Variants in COA7 observed in about 807,000 individuals in gnomAD.
The protein encoded by COA7 is cytochrome c oxidase assembly factor 7, also known as Sel1 repeat containing 1.
In COA7, 12 loss-of-function variants were observed where a neutral mutation model predicts 21.0. The observed-to-expected ratio is 0.57, with a 90% CI of 0.37 to 0.92. The LOEUF is 0.92. Ranked by LOEUF, COA7 falls within the 40% of genes least tolerant of loss-of-function variation. The pLI, the probability that COA7 is intolerant of heterozygous loss-of-function variation, is 0.01. For synonymous variants in COA7, 95 were observed against 107.4 expected (o/e 0.88, Z 0.72); for missense variants, 240 against 286.1 (o/e 0.84, Z 1.16).
chr1:52,688,285 C>T (rs1644021526), intron 2 of COA7, 117 bp from the exon 3 acceptor site: 1 of 815,056 alleles, frequency 1.2e-6, no homozygotes, highest in African/African-American at 1.7e-5. Flanking sequence ...GCTTTGTTAA[C>T]CAGGCTGGAG....
rs1643996875 is a variant in COA7 at position 52,685,653 on chromosome 1, C to T, written c.*2067G>A. On this transcript the variant is annotated 3_prime_UTR_variant, in exon 3 of 3. Coordinates refer to ENST00000371538, the MANE Select transcript of COA7 (RefSeq NM_023077.3). ...TGGTCTTGGCTCACTGCAACCTCCACCTCCTGGGTTCAAGCGATTCTCCTG... is the reference window on the plus strand; with the variant it reads ...TGGTCTTGGCTCACTGCAACCTCCATCTCCTGGGTTCAAGCGATTCTCCTG... 6.6e-6 allele frequency: 1 copy of T among 152,156 alleles called. No homozygotes were observed. The highest frequency in any genetic ancestry group is 1.5e-5 in the Non-Finnish European group (1 of 68,084). 9.4% of individuals were successfully genotyped at this position (152,156 alleles called of 1,614,324 possible). A position where few individuals can be genotyped will look rare whatever the true frequency, so the allele number is the denominator to read the frequency against.
chr1:52,687,681 C>A lies in COA7; in HGVS notation c.*39G>T. 1 of 1,588,252 alleles carries A rather than the reference C, an allele frequency of 6.3e-7. No individual in the cohort carries two copies. The highest frequency in any genetic ancestry group is 1.1e-5 in the South Asian group (1 of 88,142). Reference sequence around the variant, plus strand: ...GTCTTCAGAAACAGGAGCTGCCAGCCTCAAGCAGTTTGTTGCCTGGGAGGG... The same window carrying A: ...GTCTTCAGAAACAGGAGCTGCCAGCATCAAGCAGTTTGTTGCCTGGGAGGG... On this transcript the variant is annotated 3_prime_UTR_variant, in exon 3 of 3. Coordinates refer to ENST00000371538, the MANE Select transcript of COA7 (RefSeq NM_023077.3).
chr1:52,693,373 T>C (rs1006531748), intron 1 of COA7, among the ~76,000 whole-genome samples: 1 of 150,750 alleles, frequency 6.6e-6, no homozygotes, highest in African/African-American at 2.4e-5. Context: ...AGGTCTGGAG[T>C]TCGAGACCAG....
chr1:52,693,095 G>A (rs551112910), intron 1 of COA7, among the ~76,000 whole-genome samples: 1 of 152,246 alleles, frequency 6.6e-6, no homozygotes, highest in African/African-American at 2.4e-5. Context: ...GCAATGCATG[G>A]CTTGGGGAGA....
At chr1:52,691,268 G>C (rs1366236349) in intron 2 of COA7, among the ~76,000 whole-genome samples, 2 of 151,938 alleles carry the variant, frequency 1.3e-5, no homozygotes, top group East Asian at 3.9e-4. Flanking sequence ...TAAAAAATTA[G>C]CTAAGCATGG....
Position 52,692,717 on chromosome 1 carries a change from C to T in COA7, c.247+10G>A, listed in dbSNP as rs376698311. ...CAATGACAAGGACCCAAAAGGCAGG[C>T]CCTCCTTACCTTTTCCAGTCACATA... On this transcript the variant is annotated intron_variant, in intron 2 of 2. Transcript: ENST00000371538. 130 of 1,613,838 alleles carry T rather than the reference C, an allele frequency of 8.1e-5. No individual in the cohort carries two copies. Among genetic ancestry groups the T allele is most frequent in the Non-Finnish European group, 9.9e-5 (117 of 1,179,920 alleles).
chr1:52,695,299 A>G lies in COA7; in HGVS notation c.107-2432T>C, dbSNP rs1438640185. On this transcript the variant is annotated intron_variant, in intron 1 of 2. Transcript: ENST00000371538. ...ACAGAGCAAGACTCAGCCTCAGGGA[A>G]AAAAAAAAAAAAAAAAAAAGCCAGG... is the stretch of plus-strand genomic sequence containing the variant. Among the ~76,000 whole-genome samples the G allele has an allele frequency of 2.8e-5, 4 of 141,400 alleles. No homozygotes were observed. In the East Asian group the frequency reaches 1.1e-3, roughly 38 times the overall value. 92.8% of individuals were successfully genotyped at this position (141,400 alleles called of 152,430 possible).
chr1:52,689,796 C>T (rs1237325042), intron 2 of COA7, among the ~76,000 whole-genome samples: 2 of 151,390 alleles, frequency 1.3e-5, no homozygotes, highest in Admixed American at 6.6e-5. Context: ...GAGGCTGAGG[C>T]GGGTGGATCA....
In COA7 at chr1:52,688,165, C is replaced by T. The variant is rs754249175; in HGVS notation, c.251G>A (p.Gly84Asp). Residue 84 changes from glycine (G) to aspartate (D), a missense_variant, in exon 3 of 3, where the codon GGT becomes GAT. By Grantham distance (94) the Gly-to-Asp change is moderately conservative (BLOSUM62 -1). This residue lies in a region of COA7 where 163 missense variants were observed against 214.1 expected (regional missense o/e 0.76). Transcript: ENST00000371538. ...LGAYYVTGKG[G>D]LTQDLKAAAR... ...GGCAGCTTTCAGGTCCTGGGTCAGACCACCTGAGAGGAAGGAAAGTAGGAA... is the reference window on the plus strand; with the variant it reads ...GGCAGCTTTCAGGTCCTGGGTCAGATCACCTGAGAGGAAGGAAAGTAGGAA... 1.5e-5 allele frequency: 24 copies of T among 1,608,456 alleles called. No homozygotes were observed. The highest frequency in any genetic ancestry group is 1.9e-5 in the Non-Finnish European group (22 of 1,179,286).
Position 52,698,171 on chromosome 1 carries a change from C to A in COA7, c.106+50G>T, listed in dbSNP as rs571725145. ...TCAGAGGTCGCAGACCAGACCTCTC[C>A]GGGCACGTCCCTCCCCGACGCGTCG... On this transcript the variant is annotated intron_variant, in intron 1 of 2. Coordinates refer to ENST00000371538, the MANE Select transcript of COA7 (RefSeq NM_023077.3). 28 of 1,352,922 alleles carry A rather than the reference C, an allele frequency of 2.1e-5. 1 individual carries two copies. The South Asian group carries it at 2.9e-4, about 14-fold the overall frequency. 83.8% of individuals were successfully genotyped at this position (1,352,922 alleles called of 1,614,324 possible). A position where few individuals can be genotyped will look rare whatever the true frequency, so the allele number is the denominator to read the frequency against.
At position 52,685,052 on chromosome 1, in the gene COA7, G is replaced by A. The variant is rs1157518300; in HGVS notation, c.*2668C>T. 1 of 152,158 alleles carries A rather than the reference G, an allele frequency of 6.6e-6. No individual in the cohort carries two copies. Among genetic ancestry groups the A allele is most frequent in the African/African-American group, 2.4e-5 (1 of 41,440 alleles). The allele number at this position is 152,158 out of a possible 1,614,324, so 9.4% of individuals were successfully genotyped here. On this transcript the variant is annotated 3_prime_UTR_variant, in exon 3 of 3. Transcript: ENST00000371538. ...GAAAGACATTTTGGGTTGAGTTTTGGCAATTATAGATAAAGCTGCTATAAA... is the reference window on the plus strand; with the variant it reads ...GAAAGACATTTTGGGTTGAGTTTTGACAATTATAGATAAAGCTGCTATAAA...
In COA7 at chr1:52,687,847, G is replaced by A; in HGVS notation, c.569C>T (p.Ala190Val). 1 of 1,614,256 alleles carries A rather than the reference G, an allele frequency of 6.2e-7. No individual in the cohort carries two copies. The highest frequency in any genetic ancestry group is 2.2e-5 in the East Asian group (1 of 44,886). Reference sequence around the variant, plus strand: ...ATCCCCCAGCTTGTACATGCGACTGGCATTGGCACAGGCCCAGATATGACC... The same window carrying A: ...ATCCCCCAGCTTGTACATGCGACTGACATTGGCACAGGCCCAGATATGACC... ...DLGHIWACAN[A>V]SRMYKLGDGV... The change falls in exon 3 of 3, where the codon GCC becomes GTC. Residue 190 changes from alanine to valine, a missense_variant. This residue lies in a region of COA7 where 163 missense variants were observed against 214.1 expected (regional missense o/e 0.76). Transcript: ENST00000371538.
intron 2 of COA7, 129 bp downstream of exon 2, chr1:52,692,598 C>G: frequency 1.9e-6 from 2 of 1,056,268 alleles, no homozygotes; most frequent in Non-Finnish European, 1.4e-6. Context: ...GAACTCCTAC[C>G]TCTCCATCTT....
At chr1:52,693,555 G>A (rs530547180) in intron 1 of COA7, among the ~76,000 whole-genome samples, 4 of 149,792 alleles carry the variant, frequency 2.7e-5, no homozygotes, top group South Asian at 2.1e-4. Context: ...GCGGCGGGCC[G>A]AGATCACGCC....
intron 1 of COA7, among the ~76,000 whole-genome samples, chr1:52,694,574 T>C (rs1258368938): frequency 6.6e-6 from 1 of 151,944 alleles, no homozygotes; most frequent in African/African-American, 2.4e-5. Flanking sequence ...ATGCTATGAC[T>C]GAAGTAAAAC....
At chr1:52,691,848 C>T (rs967781982) in intron 2 of COA7, among the ~76,000 whole-genome samples, 2 of 152,142 alleles carry the variant, frequency 1.3e-5, no homozygotes, top group Non-Finnish European at 2.9e-5. Context: ...AAGTCCTTCC[C>T]CTTAGTGTAG....
chr1:52,688,106 C>T lies in COA7; in HGVS notation c.310G>A (p.Gly104Arg). The T allele has an allele frequency of 6.2e-7, 1 of 1,613,976 alleles. No individual in the cohort carries two copies. The highest frequency in any genetic ancestry group is 8.5e-7 in the Non-Finnish European group (1 of 1,180,030). The change falls in exon 3 of 3, where the codon GGA (glycine) becomes AGA (arginine). Residue 104 changes from glycine (G) to arginine (R), a missense_variant. By Grantham distance (125) the Gly-to-Arg change is moderately radical. Around this residue, in one of 3 missense-constraint regions of COA7, gnomAD observed 163 missense variants for 214.1 expected, o/e 0.76. Transcript: ENST00000371538. ...TGACATGCTGCTATTGACTTCTTTCCAGGCTTCTCACACGCCATCAAAAAG... is the reference window on the plus strand; with the variant it reads ...TGACATGCTGCTATTGACTTCTTTCTAGGCTTCTCACACGCCATCAAAAAG... ...RCFLMACEKPGKKSIAACHNV... is the reference protein window; with the variant it reads ...RCFLMACEKPRKKSIAACHNV...
rs143912475 is a variant in COA7, at chr1:52,688,940, G to A, written c.248-772C>T. Among the ~76,000 whole-genome samples, 234 of 151,860 alleles carry A rather than the reference G, an allele frequency of 1.5e-3. 1 individual carries two copies. Among genetic ancestry groups the A allele is most frequent in the African/African-American group, 5.6e-3 (232 of 41,366 alleles). ...CATACAGTGGGCCCTCCATATCCAT[G>A]GGTTCAACCAACCACACATCAAAAA... On this transcript the variant is annotated intron_variant, in intron 2 of 2. Coordinates refer to ENST00000371538, the MANE Select transcript of COA7 (RefSeq NM_023077.3).
At chr1:52,695,818 C>T (rs1381456632) in intron 1 of COA7, among the ~76,000 whole-genome samples, 2 of 152,104 alleles carry the variant, frequency 1.3e-5, no homozygotes, top group Admixed American at 6.6e-5. Context: ...TCTCAGGTCT[C>T]GTAAAGTGCT....
Sources: gnomAD v4.1 joint callset for allele counts (sites outside exome capture counted in the v4.1 genomes callset) on GRCh38, gnomAD v4.1.1 for gene constraint, gnomAD v4.1.1 regional missense constraint, MANE v1.5 for transcripts, NCBI Gene and HGNC (gene_info 2026-07-23, HGNC 2026-07-21) for gene names.